Variants in CALN1 observed in about 807,000 individuals in gnomAD.
CALN1 encodes the protein calcium-binding protein 8.
CALN1 carries 17 observed loss-of-function variants against 30.6 expected under a neutral mutation model. That is an observed-to-expected ratio of 0.56 (90% confidence interval 0.38 to 0.83). The LOEUF (loss-of-function observed/expected upper bound fraction) is 0.83. CALN1 is among the 40% of genes least tolerant of loss of function. The pLI is 0.00. For missense variants in CALN1, 291 were observed against 354.9 expected (o/e 0.82, Z 1.45); for synonymous variants, 156 against 131.4 (o/e 1.19, Z -1.28).
intron 5 of CALN1, among the ~76,000 whole-genome samples, chr7:71,898,939 A>G (rs909031388): frequency 6.6e-5 from 10 of 152,216 alleles, no homozygotes; most frequent in African/African-American, 2.4e-4. Flanking sequence ...TAGAAATTAG[A>G]AGACAAAATT....
intron 5 of CALN1, among the ~76,000 whole-genome samples, chr7:71,940,319 CCTT>C (rs1796061195): frequency 6.6e-6 from 1 of 152,162 alleles, no homozygotes; most frequent in Admixed American, 6.5e-5. Context: ...GGGATGGAGC[CCTT>C]CAAGTTCAGG....
intron 5 of CALN1, among the ~76,000 whole-genome samples, chr7:72,019,012 T>C (rs1800557735): frequency 6.8e-6 from 1 of 148,104 alleles, no homozygotes; most frequent in African/African-American, 2.6e-5. Flanking sequence ...AATTTTTTTT[T>C]TTTGTATTTT....
intron 2 of CALN1, among the ~76,000 whole-genome samples, chr7:72,390,412 C>T (rs1805507489): frequency 6.6e-6 from 1 of 152,032 alleles, no homozygotes; most frequent in Admixed American, 6.5e-5. Context: ...GCCTGGGTGA[C>T]AGTGCAAGAC....
intron 1 of CALN1, among the ~76,000 whole-genome samples, chr7:72,405,324 G>T (rs535041307): frequency 6.6e-6 from 1 of 152,208 alleles, no homozygotes; most frequent in African/African-American, 2.4e-5. Context: ...TCAGATGCGT[G>T]CTCACAGACC....
intron 5 of CALN1, among the ~76,000 whole-genome samples, chr7:71,834,631 C>T (rs1012940725): frequency 6.6e-5 from 10 of 152,122 alleles, no homozygotes; most frequent in Non-Finnish European, 1.2e-4. Flanking sequence ...TCAGAATATC[C>T]TTGCACCAGT....
At chr7:72,189,646 T>A (rs1790461562) in intron 3 of CALN1, among the ~76,000 whole-genome samples, 1 of 151,542 alleles carries the variant, frequency 6.6e-6, no homozygotes, top group Admixed American at 6.6e-5. Flanking sequence ...CCTGCACCTA[T>A]AATCCCAGCT....
intron 3 of CALN1, among the ~76,000 whole-genome samples, chr7:72,205,798 C>T (rs1044255809): frequency 2.0e-5 from 3 of 151,676 alleles, no homozygotes; most frequent in Admixed American, 2.0e-4. Context: ...TCTCTAACAG[C>T]TGTGATTTCA....
chr7:71,937,566 ATTCC>A (rs1274633712), intron 5 of CALN1, among the ~76,000 whole-genome samples: 1 of 152,104 alleles, frequency 6.6e-6, no homozygotes, highest in East Asian at 1.9e-4. Flanking sequence ...GAAGCCTCAC[ATTCC>A]TAGGCTCAAG....
intron 5 of CALN1, among the ~76,000 whole-genome samples, chr7:71,937,446 A>AAT (rs113983664): frequency 0.11 from 16,958 of 149,298 alleles, 1,206 homozygotes; most frequent in Admixed American, 0.22. Context: ...ATATACATCT[A>AAT]ATATATATAT....
At chr7:72,122,174 C>T (rs1046608787) in intron 3 of CALN1, among the ~76,000 whole-genome samples, 22 of 151,956 alleles carry the variant, frequency 1.4e-4, no homozygotes, top group South Asian at 4.1e-4. Context: ...GGAATGTATC[C>T]GTGAACAACA....
At chr7:72,332,862 G>A (rs899426586) in intron 2 of CALN1, among the ~76,000 whole-genome samples, 48 of 152,178 alleles carry the variant, frequency 3.2e-4, no homozygotes, top group Non-Finnish European at 4.1e-4. Flanking sequence ...CCGGCTTTCA[G>A]AGCCAGCTTC....
intron 5 of CALN1, among the ~76,000 whole-genome samples, chr7:71,988,114 A>C (rs1200540320): frequency 6.6e-6 from 1 of 152,132 alleles, no homozygotes; most frequent in Non-Finnish European, 1.5e-5. Flanking sequence ...CATCATCACC[A>C]CCATCATTGT....
At chr7:72,250,970 G>A (rs190947896) in intron 3 of CALN1, among the ~76,000 whole-genome samples, 2 of 152,018 alleles carry the variant, frequency 1.3e-5, no homozygotes, top group African/African-American at 4.8e-5. Context: ...CTTTATCCTT[G>A]GCTGTTGGGC....
chr7:72,482,226 T>C, the CALN1 span, among the ~76,000 whole-genome samples: 1 of 152,190 alleles, frequency 6.6e-6, no homozygotes, highest in Non-Finnish European at 1.5e-5. Flanking sequence ...GTTAACATCA[T>C]TTGCTTCTGA....
intron 3 of CALN1, among the ~76,000 whole-genome samples, chr7:72,137,251 C>CTA (rs1299948362): frequency 6.6e-6 from 1 of 152,048 alleles, no homozygotes; most frequent in Non-Finnish European, 1.5e-5. Context: ...TGGGATGTTT[C>CTA]TAGTTATGCT....
At chr7:71,832,767 ATTT>A (rs140779066) in intron 5 of CALN1, among the ~76,000 whole-genome samples, 10 of 137,832 alleles carry the variant, frequency 7.3e-5, no homozygotes, top group East Asian at 6.4e-4. Flanking sequence ...CGCCAGGCTA[ATTT>A]TTTTTTTTTT....
the CALN1 span, among the ~76,000 whole-genome samples, chr7:72,490,473 AT>A: frequency 6.6e-6 from 1 of 152,046 alleles, no homozygotes; most frequent in African/African-American, 2.4e-5. Flanking sequence ...TCTGACCTCA[AT>A]TTCCTCCTCT....
chr7:72,267,439 A>G (rs564983125), intron 3 of CALN1, among the ~76,000 whole-genome samples: 1 of 152,198 alleles, frequency 6.6e-6, no homozygotes, highest in Admixed American at 6.5e-5. Flanking sequence ...CTTTAAAAAT[A>G]TCTCTCCACC....
At chr7:72,104,562 A>G (rs933894879) in intron 4 of CALN1, among the ~76,000 whole-genome samples, 3 of 152,094 alleles carry the variant, frequency 2.0e-5, no homozygotes, top group African/African-American at 7.2e-5. Context: ...CCCACCCCCA[A>G]CAGGCCCCAG....
Sources: allele counts gnomAD v4.1 joint callset (sites outside exome capture counted in the v4.1 genomes callset), GRCh38; gene constraint gnomAD v4.1.1; transcripts MANE v1.5; gene names NCBI Gene and HGNC (gene_info 2026-07-23, HGNC 2026-07-21).